FRMD4B: variants seen among roughly 807,000 people sequenced by gnomAD.
The protein encoded by FRMD4B is FERM domain containing 4B.
Under a neutral mutation model 141.5 loss-of-function variants are expected in FRMD4B, and 74 were observed. That is an observed-to-expected ratio of 0.52 (90% CI 0.43 to 0.63). The LOEUF (loss-of-function observed/expected upper bound fraction) is 0.63, where lower values mean the gene tolerates loss of function less well. Ranked by LOEUF, FRMD4B falls within the 30% of genes least tolerant of loss-of-function variation. FRMD4B has a pLI of 0.00. For synonymous variants in FRMD4B, 506 were observed against 467.9 expected (o/e 1.08, Z -1.05); for missense variants, 1,366 against 1,253.4 (o/e 1.09, Z -1.36).
At chr3:69,336,118 C>A (rs1030606002) in intron 1 of FRMD4B, among the ~76,000 whole-genome samples, 5 of 152,016 alleles carry the variant, frequency 3.3e-5, no homozygotes, top group Admixed American at 1.3e-4. Flanking sequence ...GGGGTGAAGT[C>A]ACCCTATGGA....
At chr3:69,199,097 T>C (rs892712524) in intron 11 of FRMD4B, 2 of 212,390 alleles carry the variant, frequency 9.4e-6, no homozygotes, top group South Asian at 6.7e-5. Context: ...GGTGAAACCT[T>C]GTCTCTACTA....
intron 4 of FRMD4B, among the ~76,000 whole-genome samples, chr3:69,300,852 C>T (rs779922734): frequency 6.6e-5 from 10 of 152,214 alleles, no homozygotes; most frequent in Admixed American, 1.3e-4. Flanking sequence ...TATTCTGCCT[C>T]AGCCTCTGGA....
chr3:69,453,133 C>T (rs1217697034), intron 1 of FRMD4B, among the ~76,000 whole-genome samples: 1 of 152,146 alleles, frequency 6.6e-6, no homozygotes, highest in Non-Finnish European at 1.5e-5. Context: ...TTATTGAAGA[C>T]ACAGGCAGTC....
intron 18 of FRMD4B, among the ~76,000 whole-genome samples, chr3:69,188,950 G>A (rs890070532): frequency 3.3e-5 from 5 of 151,288 alleles, no homozygotes; most frequent in Non-Finnish European, 7.4e-5. Context: ...GGCTGGGCTC[G>A]GTGGCTCACG....
chr3:69,420,167 G>A (rs1164131349), intron 2 of FRMD4B, among the ~76,000 whole-genome samples: 4 of 151,892 alleles, frequency 2.6e-5, no homozygotes, highest in Admixed American at 2.6e-4. Flanking sequence ...AGGTCAAGGT[G>A]TTTGATCTGC....
intron 2 of FRMD4B, among the ~76,000 whole-genome samples, chr3:69,404,289 A>G (rs1020078765): frequency 1.3e-5 from 2 of 152,218 alleles, no homozygotes; most frequent in African/African-American, 4.8e-5. Flanking sequence ...TTTCTCTCCA[A>G]TAACAGAATT....
intron 1 of FRMD4B, among the ~76,000 whole-genome samples, chr3:69,469,716 A>G (rs55976743): frequency 0.19 from 29,290 of 152,228 alleles, 3,455 homozygotes; most frequent in African/African-American, 0.34. Context: ...ACAGACAAAT[A>G]GAGAAAAATG....
intron 5 of FRMD4B, among the ~76,000 whole-genome samples, chr3:69,264,994 G>C (rs995516827): frequency 4.6e-5 from 7 of 151,848 alleles, no homozygotes; most frequent in Non-Finnish European, 8.8e-5. Context: ...GGTGGCTCAC[G>C]CCTGTAATCC....
chr3:69,185,947 G>T lies in FRMD4B; in HGVS notation c.1919+1823C>A, dbSNP rs554605600. On this transcript the variant is annotated intron_variant, in intron 19 of 22. Transcript: ENST00000398540. ...GTCCCAGCTACTTGGAAGGCTGAGG[G>T]GGGAGAATTGCTTGAACCTGAAAGG... Among the ~76,000 whole-genome samples the T allele has an allele frequency of 2.6e-5, 4 of 151,916 alleles. No homozygotes were observed. In the East Asian group the frequency reaches 5.9e-4, roughly 22 times the overall value.
chr3:69,372,493 C>T (rs554725802), intron 1 of FRMD4B, among the ~76,000 whole-genome samples: 10 of 152,240 alleles, frequency 6.6e-5, no homozygotes, highest in East Asian at 1.9e-4. Context: ...GGAGAAAGCC[C>T]GTCTCTGCTA....
chr3:69,359,565 T>C (rs77514385), intron 1 of FRMD4B, among the ~76,000 whole-genome samples: 2,642 of 152,298 alleles, frequency 0.017, 30 homozygotes, highest in Middle Eastern at 0.034. Flanking sequence ...AAAACAACCC[T>C]GATGGAAAAG....
In FRMD4B at chr3:69,227,128, T is replaced by C. The variant is rs73838310; in HGVS notation, c.582-2438A>G. Among the ~76,000 whole-genome samples the C allele has an allele frequency of 1.9e-3, 294 of 152,310 alleles. 2 individuals carry two copies. The highest frequency in any genetic ancestry group is 6.8e-3 in the African/African-American group (282 of 41,572). On this transcript the variant is annotated intron_variant, in intron 7 of 22. Transcript: ENST00000398540. Reference sequence around the variant, plus strand: ...TTTTCCCAGCGATTTTCAAGAGTAATTTGAACTATACACAATCAGAATCTA... The same window carrying C: ...TTTTCCCAGCGATTTTCAAGAGTAACTTGAACTATACACAATCAGAATCTA...
At chr3:69,180,736 G>C (rs763038680) in intron 21 of FRMD4B, among the ~76,000 whole-genome samples, 163 bp downstream of exon 21, 1 of 152,222 alleles carries the variant, frequency 6.6e-6, no homozygotes, top group Admixed American at 6.5e-5. Flanking sequence ...GAGCTGGAAA[G>C]AACTGTTTTT....
At chr3:69,517,864 C>T (rs1352540734) in intron 1 of FRMD4B, among the ~76,000 whole-genome samples, 2 of 152,196 alleles carry the variant, frequency 1.3e-5, no homozygotes, top group African/African-American at 4.8e-5. Flanking sequence ...CTAGTGCAGT[C>T]GTTTTCATAC....
chr3:69,478,789 A>G (rs1008783213), intron 1 of FRMD4B, among the ~76,000 whole-genome samples: 117 of 152,160 alleles, frequency 7.7e-4, no homozygotes, highest in African/African-American at 2.7e-3. Flanking sequence ...TGATCTGTCT[A>G]AAGTTGACAG....
In FRMD4B at chr3:69,196,356, A is replaced by G; in HGVS notation, c.1133T>C (p.Met378Thr). Residue 378 changes from methionine to threonine, a missense_variant, in exon 14 of 23, where the codon ATG (methionine) becomes ACG (threonine). By Grantham distance (81) the Met-to-Thr change is moderately conservative (BLOSUM62 -1). Transcript: ENST00000398540. The part of the protein sequence containing the change: ...PSARSLDEIA[M>T]DLTETGTQRA... The stretch of plus-strand genomic sequence containing the variant: ...TTGTGTTCCTGTCTCTGTCAAATCC[A>G]TTGCAATCTCATCTAAACTCCTGGC... 1 of 1,611,678 alleles carries G rather than the reference A, an allele frequency of 6.2e-7. No individual in the cohort carries two copies. The highest frequency in any genetic ancestry group is 1.1e-5 in the South Asian group (1 of 90,596).
intron 11 of FRMD4B, chr3:69,198,978 A>T: frequency 1.8e-6 from 1 of 552,132 alleles, no homozygotes; most frequent in Non-Finnish European, 3.2e-6. Context: ...TTAACTATTA[A>T]GATTCACCTC....
At chr3:69,222,842 CA>C (rs2093210269) in intron 8 of FRMD4B, among the ~76,000 whole-genome samples, 1 of 152,114 alleles carries the variant, frequency 6.6e-6, no homozygotes, top group African/African-American at 2.4e-5. Context: ...GATCTTTTGC[CA>C]TAATTGGATG....
intron 1 of FRMD4B, among the ~76,000 whole-genome samples, chr3:69,483,007 A>G (rs1706155927): frequency 6.6e-6 from 1 of 152,248 alleles, no homozygotes; most frequent in South Asian, 2.1e-4. Context: ...ATTGCATTGA[A>G]TATCCCAATA....
Sources: allele counts gnomAD v4.1 joint callset (sites outside exome capture counted in the v4.1 genomes callset), GRCh38; gene constraint gnomAD v4.1.1; transcripts MANE v1.5; gene names NCBI Gene and HGNC (gene_info 2026-07-23, HGNC 2026-07-21).